MYO6: variants seen among roughly 807,000 people sequenced by gnomAD.
The protein encoded by MYO6 is unconventional myosin-VI.
MYO6 carries 74 observed loss-of-function variants against 178.7 expected under a neutral mutation model. The ratio of observed to expected loss-of-function variants is 0.41; its 90% confidence interval spans 0.34 to 0.50. The LOEUF (loss-of-function observed/expected upper bound fraction) is 0.50, where lower values mean the gene tolerates loss of function less well. Among genes scored for constraint, MYO6 ranks in the 20% least tolerant of loss-of-function variants. The pLI is 0.09. For missense variants in MYO6, 1,330 were observed against 1,547.4 expected (o/e 0.86, Z 2.36); for synonymous variants, 477 against 504.6 (o/e 0.95, Z 0.73).
intron 3 of MYO6, among the ~76,000 whole-genome samples, chr6:75,826,548 A>G (rs980767653): frequency 5.9e-5 from 9 of 152,224 alleles, no homozygotes; most frequent in South Asian, 4.1e-4. Context: ...AGTGAGAGAG[A>G]TGGGGAGTGG....
chr6:75,776,361 T>G (rs1236473252), intron 1 of MYO6, among the ~76,000 whole-genome samples: 2 of 152,230 alleles, frequency 1.3e-5, no homozygotes, highest in African/African-American at 4.8e-5. Flanking sequence ...CAAGGGAACT[T>G]ATAATACTAT....
At chr6:75,876,285 TC>T (rs1777564058) in intron 20 of MYO6, among the ~76,000 whole-genome samples, 1 of 152,154 alleles carries the variant, frequency 6.6e-6, no homozygotes, top group Admixed American at 6.5e-5. Flanking sequence ...TATTTTTCCC[TC>T]CTTTATTCCA....
chr6:75,770,617 C>CA (rs1242501001), intron 1 of MYO6, among the ~76,000 whole-genome samples: 2 of 152,162 alleles, frequency 1.3e-5, no homozygotes, highest in Admixed American at 6.5e-5. Flanking sequence ...GCCGGGATTA[C>CA]AAGCTTGCAC....
At chr6:75,820,960 T>C (rs1421056220) in intron 2 of MYO6, among the ~76,000 whole-genome samples, 1 of 152,224 alleles carries the variant, frequency 6.6e-6, no homozygotes, top group East Asian at 1.9e-4. Context: ...ATGCTCTGTA[T>C]TTGACTTGTG....
rs1023841924 is a variant in MYO6, at chr6:75,919,276, C to G, written c.*4264C>G. On this transcript the variant is annotated 3_prime_UTR_variant, in exon 35 of 35. Coordinates refer to ENST00000369977, the MANE Select transcript of MYO6 (RefSeq NM_004999.4). ...CATCCCTAAACCTTTTCTCAGCCTC[C>G]CACTTTCTGGAGTCTCCAATGTCGG... is the stretch of plus-strand genomic sequence containing the variant. 1 of 152,138 alleles carries G rather than the reference C, an allele frequency of 6.6e-6. No individual in the cohort carries two copies. Among genetic ancestry groups the G allele is most frequent in the Non-Finnish European group, 1.5e-5 (1 of 68,040 alleles). The allele number at this position is 152,138 out of a possible 1,614,324, so 9.4% of individuals were successfully genotyped here.
At chr6:75,899,920 G>A (rs1396348254) in intron 30 of MYO6, among the ~76,000 whole-genome samples, 2 of 125,888 alleles carry the variant, frequency 1.6e-5, no homozygotes, top group African/African-American at 6.2e-5. Context: ...AGAGTGTGAT[G>A]TTCCCCTTCC....
At chr6:75,900,151 T>A (rs1779636364) in intron 30 of MYO6, among the ~76,000 whole-genome samples, 1 of 151,824 alleles carries the variant, frequency 6.6e-6, no homozygotes, top group South Asian at 2.1e-4. Flanking sequence ...GACATTTGGG[T>A]TGGTTCCAAG....
intron 1 of MYO6, among the ~76,000 whole-genome samples, chr6:75,755,579 G>A (rs1480104389): frequency 1.3e-5 from 2 of 152,072 alleles, no homozygotes; most frequent in African/African-American, 2.4e-5. Context: ...AGAACAATTA[G>A]TTAAAAAAAG....
At chr6:75,900,327 G>T (rs981144403) in intron 30 of MYO6, among the ~76,000 whole-genome samples, 3 of 152,156 alleles carry the variant, frequency 2.0e-5, no homozygotes, top group African/African-American at 7.2e-5. Flanking sequence ...TTCCACAATG[G>T]TTGAACTAGT....
At chr6:75,843,508 C>T (rs1480131014) in intron 9 of MYO6, among the ~76,000 whole-genome samples, 2 of 152,206 alleles carry the variant, frequency 1.3e-5, no homozygotes, top group East Asian at 3.9e-4. Context: ...TACAGAAAAA[C>T]TAAAAGGACA....
intron 1 of MYO6, among the ~76,000 whole-genome samples, chr6:75,790,342 C>G (rs554016661): frequency 6.7e-6 from 1 of 150,306 alleles, no homozygotes; most frequent in African/African-American, 2.4e-5. Flanking sequence ...AATTTGTTTT[C>G]TAATTCTGTA....
intron 34 of MYO6, 37 bp downstream of exon 34, chr6:75,914,318 A>G (rs1262653818): frequency 1.3e-6 from 2 of 1,567,402 alleles, no homozygotes; most frequent in South Asian, 2.2e-5. Flanking sequence ...ATTATAGAAC[A>G]AAAAAGATCA....
chr6:75,873,309 A>G lies in MYO6; in HGVS notation c.2077+9A>G, dbSNP rs914610626. 1.9e-6 allele frequency: 3 copies of G among 1,597,810 alleles called. No homozygotes were observed. Among genetic ancestry groups the G allele is most frequent in the African/African-American group, 1.3e-5 (1 of 74,578 alleles). ...TCAGCTTCAGTGTTCAGGTATTTTCATAATCTCTGTCAGTGTGTGTTAGTA... is the reference window on the plus strand; with the variant it reads ...TCAGCTTCAGTGTTCAGGTATTTTCGTAATCTCTGTCAGTGTGTGTTAGTA... On this transcript the variant is annotated intron_variant, in intron 20 of 34. Transcript: ENST00000369977.
At chr6:75,883,219 A>G (rs548666692) in intron 23 of MYO6, among the ~76,000 whole-genome samples, 1 of 152,062 alleles carries the variant, frequency 6.6e-6, no homozygotes, top group Non-Finnish European at 1.5e-5. Flanking sequence ...ACAATTTAAG[A>G]TAGTGAAAAT....
At chr6:75,750,902 T>G (rs1439552468) in intron 1 of MYO6, among the ~76,000 whole-genome samples, 3 of 152,090 alleles carry the variant, frequency 2.0e-5, no homozygotes, top group Admixed American at 6.6e-5. Context: ...TTCTTAAGAT[T>G]TAGCTGAAAC....
At chr6:75,835,633 T>G (rs1316672447) in intron 6 of MYO6, among the ~76,000 whole-genome samples, 1 of 152,146 alleles carries the variant, frequency 6.6e-6, no homozygotes, top group Non-Finnish European at 1.5e-5. Flanking sequence ...GGTTTCACCA[T>G]GTTGGCCAGG....
chr6:75,777,456 C>T (rs1268681910), intron 1 of MYO6, among the ~76,000 whole-genome samples: 1 of 150,470 alleles, frequency 6.6e-6, no homozygotes, highest in East Asian at 1.9e-4. Context: ...GAAACAGGGT[C>T]TCACTGTGTC....
At chr6:75,805,021 A>ATATATATTTTTTTT (rs1252912172) in intron 1 of MYO6, among the ~76,000 whole-genome samples, 13 of 77,286 alleles carry the variant, frequency 1.7e-4, no homozygotes, top group East Asian at 1.1e-3. Context: ...ATATATATAT[A>ATATATATTTTTTTT]TTTTTTTTTT....
At chr6:75,855,727 C>G (rs1444665884) in intron 12 of MYO6, among the ~76,000 whole-genome samples, 1 of 152,090 alleles carries the variant, frequency 6.6e-6, no homozygotes, top group Non-Finnish European at 1.5e-5. Flanking sequence ...AAGGGCTTAA[C>G]CAAGATTTTA....
Sources: gnomAD v4.1 joint callset for allele counts (sites outside exome capture counted in the v4.1 genomes callset) on GRCh38, gnomAD v4.1.1 for gene constraint, MANE v1.5 for transcripts, NCBI Gene and HGNC (gene_info 2026-07-23, HGNC 2026-07-21) for gene names.